ASB12: variants seen among roughly 807,000 people sequenced by gnomAD.
ASB12 encodes ankyrin repeat and SOCS box protein 12.
In ASB12, 17 loss-of-function variants were observed where a neutral mutation model predicts 13.7. That is an observed-to-expected ratio of 1.24 (90% CI 0.85 to 1.86). The LOEUF (loss-of-function observed/expected upper bound fraction) is 1.86. ASB12 is among the 40% of genes most tolerant of loss of function. The pLI is 0.00. For missense variants in ASB12, 329 were observed against 250.5 expected, an observed-to-expected ratio of 1.31 and a Z score of -2.11; for synonymous variants, 107 against 99.8, an observed-to-expected ratio of 1.07 and a Z score of -0.43.
chrX:64,230,034 C>T (rs1931025478), intron 1 of ASB12, among the ~76,000 whole-genome samples: 1 of 111,146 alleles, frequency 9.0e-6, no homozygotes. Flanking sequence ...AGCATTCCTT[C>T]AGGCATTAGC....
intron 1 of ASB12, chrX:64,226,825 CT>C: frequency 8.3e-6 from 5 of 604,859 alleles, no homozygotes; most frequent in Non-Finnish European, 9.9e-6. Flanking sequence ...CAGCTGAGGT[CT>C]CAGGACCTCA....
In ASB12 at chrX:64,224,242, C is replaced by G. The variant is rs1272596949; in HGVS notation, c.*93G>C. 7.1e-6 allele frequency: 7 copies of G among 989,904 alleles called. No homozygotes were observed. In the Admixed American group the frequency reaches 1.4e-4, roughly 20 times the overall value. The allele number at this position is 989,904 out of a possible 1,213,427, so 81.6% of individuals were successfully genotyped here. On this transcript the variant is annotated 3_prime_UTR_variant, in exon 3 of 3. Transcript: ENST00000362002. ...TGGAGGATAATACAGGAGAGCAGCT[C>G]CAGGTAAGTGGATGAGGCTGTAATG...
chrX:64,225,391 C>T lies in ASB12; in HGVS notation c.260G>A (p.Ser87Asn). Reference sequence around the variant, plus strand: ...ATGGGCTAAGAGGACTTGCAAACAGCTCAAGTGGCCATAAGAAGCAGCCAA... The same window carrying T: ...ATGGGCTAAGAGGACTTGCAAACAGTTCAAGTGGCCATAAGAAGCAGCCAA... ...LRLAASYGHL[S>N]CLQVLLAHGA... Residue 87 changes from serine (S) to asparagine (N), a missense_variant, in exon 2 of 3, where the codon AGC becomes AAC. Transcript: ENST00000362002. The T allele has an allele frequency of 8.3e-7, 1 of 1,208,575 alleles. No homozygotes were observed. The highest frequency in any genetic ancestry group is 1.1e-6 in the Non-Finnish European group (1 of 893,901).
At chrX:64,224,562 A>G in intron 2 of ASB12, 94 bp from the exon 3 acceptor site, 1 of 986,023 alleles carries the variant, frequency 1.0e-6, no homozygotes, top group East Asian at 3.3e-5. Flanking sequence ...CTACAGCCCT[A>G]ATGCTCTATC....
chrX:64,230,439 C>T (rs1435103009), intron 1 of ASB12, 24 bp downstream of exon 1: 2 of 111,083 alleles, frequency 1.8e-5, no homozygotes, highest in Non-Finnish European at 3.8e-5. Context: ...CTTCTCAAAC[C>T]GGTCCTAGGC....
chrX:64,226,467 A>T (rs1930953481), intron 1 of ASB12, among the ~76,000 whole-genome samples: 1 of 112,096 alleles, frequency 8.9e-6, no homozygotes, highest in African/African-American at 3.2e-5. Flanking sequence ...GGCAGGAAAC[A>T]GTCGAGGCTC....
chrX:64,227,209 C>A (rs1930965585), intron 1 of ASB12, among the ~76,000 whole-genome samples: 2 of 111,578 alleles, frequency 1.8e-5, no homozygotes, highest in Admixed American at 1.9e-4. Flanking sequence ...ATACTCTGCA[C>A]CTTTAGCCTC....
In ASB12 at chrX:64,225,493, T is replaced by C. The variant is rs758003657; in HGVS notation, c.158A>G (p.Gln53Arg). ...TTTGTAACGCTCCTGGCGCAAAAGC[T>C]GGTCCAAAGTATAGGAGTCGTTGTC... ...VYDNDSYTLD[Q>R]LLRQERYKRF... The change falls in exon 2 of 3, where the codon CAG becomes CGG. Residue 53 changes from glutamine (Q) to arginine (R), a missense_variant. Physicochemically the swap from Gln to Arg is conservative, Grantham distance 43. Coordinates refer to ENST00000362002, the MANE Select transcript of ASB12 (RefSeq NM_130388.4). 1 of 1,210,918 alleles carries C rather than the reference T, an allele frequency of 8.3e-7. No individual in the cohort carries two copies. Among genetic ancestry groups the C allele is most frequent in the Non-Finnish European group, 1.1e-6 (1 of 895,113 alleles).
chrX:64,228,110 T>C (rs772390015), intron 1 of ASB12, among the ~76,000 whole-genome samples: 1 of 112,396 alleles, frequency 8.9e-6, no homozygotes, highest in Non-Finnish European at 1.9e-5. Context: ...CCTTAATGGC[T>C]CCCCTTTCTT....
intron 1 of ASB12, among the ~76,000 whole-genome samples, chrX:64,229,979 G>T (rs909938446): frequency 9.0e-6 from 1 of 111,537 alleles, no homozygotes; most frequent in Non-Finnish European, 1.9e-5. Context: ...GTCAATCCAG[G>T]TTAAGTACTC....
rs1342599461 is a variant in ASB12, at chrX:64,225,503, T to C, written c.148A>G (p.Thr50Ala). 1 of 1,210,421 alleles carries C rather than the reference T, an allele frequency of 8.3e-7. No homozygotes were observed. Among genetic ancestry groups the C allele is most frequent in the Non-Finnish European group, 1.1e-6 (1 of 894,909 alleles). The change falls in exon 2 of 3, where the codon ACT (threonine) becomes GCT (alanine). Residue 50 changes from threonine to alanine, a missense_variant. Physicochemically the swap from Thr to Ala is moderately conservative, Grantham distance 58. Transcript: ENST00000362002. Reference protein sequence around the residue: ...NQAVYDNDSYTLDQLLRQERY... With the variant: ...NQAVYDNDSYALDQLLRQERY... ...TCCTGGCGCAAAAGCTGGTCCAAAG[T>C]ATAGGAGTCGTTGTCATACACTGCT...
At chrX:64,227,667 G>A (rs182517924) in intron 1 of ASB12, among the ~76,000 whole-genome samples, 21 of 111,054 alleles carry the variant, frequency 1.9e-4, no homozygotes, top group Middle Eastern at 4.7e-3. Context: ...GTCTCTATCC[G>A]AGCCCCCAGC....
At position 64,224,977 on chromosome X, in the gene ASB12, G is replaced by A. The variant is rs759048944; in HGVS notation, c.674C>T (p.Thr225Ile). Reference protein sequence around the residue: ...GLLARVPRPRTLLEICLHHNC... With the variant: ...GLLARVPRPRILLEICLHHNC... ...ATGATGGAGGCAGATTTCAAGGAGG[G>A]TGCGGGGTCTTGGGACACGAGCCAA... is the stretch of plus-strand genomic sequence containing the variant. Residue 225 changes from threonine (T) to isoleucine (I), a missense_variant, in exon 2 of 3, where the codon ACC (threonine) becomes ATC (isoleucine). Thr to Ile is a moderately conservative substitution (Grantham distance 89). Transcript: ENST00000362002. 1.5e-5 allele frequency: 18 copies of A among 1,209,881 alleles called. No homozygotes were observed. Among genetic ancestry groups the A allele is most frequent in the Admixed American group, 6.5e-5 (3 of 45,814 alleles).
intron 1 of ASB12, among the ~76,000 whole-genome samples, chrX:64,226,009 A>G (rs1930944157): frequency 8.9e-6 from 1 of 112,659 alleles, no homozygotes; most frequent in Non-Finnish European, 1.9e-5. Context: ...ATTTCCGCTT[A>G]TCTATGTTCC....
intron 1 of ASB12, among the ~76,000 whole-genome samples, chrX:64,227,415 G>T (rs1384677818): frequency 9.0e-6 from 1 of 111,463 alleles, no homozygotes; most frequent in Non-Finnish European, 1.9e-5. Flanking sequence ...CACCAAGAAA[G>T]CTCTTCAAAA....
At position 64,225,504 on chromosome X, in the gene ASB12, A is replaced by G. The variant is rs1930930422; in HGVS notation, c.147T>C (p.Tyr49=). 4 of 1,208,903 alleles carry G rather than the reference A, an allele frequency of 3.3e-6. No individual in the cohort carries two copies. The highest frequency in any genetic ancestry group is 3.0e-5 in the East Asian group (1 of 33,740). The change falls in exon 2 of 3, where the codon TAT becomes TAC. Residue 49 remains tyrosine, a synonymous_variant. Transcript: ENST00000362002. ...LNQAVYDNDS[Y]TLDQLLRQER... is the part of the protein sequence containing the mutation. ...CCTGGCGCAAAAGCTGGTCCAAAGT[A>G]TAGGAGTCGTTGTCATACACTGCTT... is the stretch of plus-strand genomic sequence containing the variant.
intron 1 of ASB12, among the ~76,000 whole-genome samples, chrX:64,229,875 C>A (rs1414370): frequency 0.24 from 26,531 of 110,590 alleles, 7,687 homozygotes; most frequent in African/African-American, 0.83. Context: ...GGAAATAGTA[C>A]ATTTTAGTTA....
intron 1 of ASB12, among the ~76,000 whole-genome samples, chrX:64,230,157 A>G (rs186887963): frequency 3.2e-4 from 36 of 111,454 alleles, no homozygotes; most frequent in African/African-American, 1.2e-3. Flanking sequence ...CCACACAGGG[A>G]CACAAAGACA....
At chrX:64,227,069 G>A (rs1023583318) in intron 1 of ASB12, among the ~76,000 whole-genome samples, 1 of 111,408 alleles carries the variant, frequency 9.0e-6, no homozygotes, top group Non-Finnish European at 1.9e-5. Context: ...TTGCAGCTCA[G>A]CACTCTCAGT....
Sources: gnomAD v4.1 joint callset for allele counts (sites outside exome capture counted in the v4.1 genomes callset) on GRCh38, gnomAD v4.1.1 for gene constraint, MANE v1.5 for transcripts, NCBI Gene and HGNC (gene_info 2026-07-23, HGNC 2026-07-21) for gene names.